Variants in SMAD9 observed in about 807,000 individuals in gnomAD.
SMAD9 encodes SMAD family member 9.
A neutral mutation model predicts 46.1 loss-of-function variants in SMAD9; 36 were observed. The ratio of observed to expected loss-of-function variants is 0.78; its 90% CI spans 0.60 to 1.03. SMAD9 has a LOEUF of 1.03. Among genes scored for constraint, SMAD9 ranks in the 50% least tolerant of loss-of-function variants. The pLI, the probability that SMAD9 is intolerant of heterozygous loss-of-function variation, is 0.00. For synonymous variants in SMAD9, 245 were observed against 237.1 expected (o/e 1.03, Z -0.31); for missense variants, 572 against 599.8 (o/e 0.95, Z 0.48).
intron 5 of SMAD9, among the ~76,000 whole-genome samples, chr13:36,857,987 T>C (rs1422987744): frequency 2.0e-5 from 3 of 152,192 alleles, no homozygotes; most frequent in Admixed American, 6.5e-5. Flanking sequence ...ATTTCTTATA[T>C]AGTTAGATAT....
At chr13:36,915,633 C>T (rs2058693123) in intron 1 of SMAD9, among the ~76,000 whole-genome samples, 2 of 152,108 alleles carry the variant, frequency 1.3e-5, no homozygotes, top group South Asian at 4.1e-4. Flanking sequence ...ATCAGAACTA[C>T]ATAGGTCTCC....
rs1010528384 is a variant in SMAD9 at position 36,847,444 on chromosome 13, T to C, written c.*1232A>G. The C allele has an allele frequency of 1.3e-5, 2 of 152,196 alleles. No homozygotes were observed. The highest frequency in any genetic ancestry group is 6.5e-5 in the Admixed American group (1 of 15,278). 9.4% of individuals were successfully genotyped at this position (152,196 alleles called of 1,614,324 possible). On this transcript the variant is annotated 3_prime_UTR_variant, in exon 7 of 7. Coordinates refer to ENST00000379826, the MANE Select transcript of SMAD9 (RefSeq NM_001127217.3). ...CATCTAAAGTAAAATAAGAACAGGT[T>C]TTTAATATTGTGTATATTTTTAAAA... is the stretch of plus-strand genomic sequence containing the variant.
chr13:36,855,083 T>C (rs1420642547), intron 5 of SMAD9, among the ~76,000 whole-genome samples: 3 of 151,814 alleles, frequency 2.0e-5, no homozygotes, highest in Non-Finnish European at 4.4e-5. Flanking sequence ...AGCTCAAGTC[T>C]GGCCTGGCCA....
intron 3 of SMAD9, among the ~76,000 whole-genome samples, chr13:36,871,913 T>C (rs935870978): frequency 1.3e-5 from 2 of 152,178 alleles, no homozygotes; most frequent in African/African-American, 4.8e-5. Flanking sequence ...TGAGGCAGAT[T>C]GTAACATCTG....
intron 1 of SMAD9, among the ~76,000 whole-genome samples, chr13:36,881,710 T>C (rs943162639): frequency 5.9e-5 from 9 of 152,226 alleles, no homozygotes; most frequent in East Asian, 1.9e-4. Flanking sequence ...GAAAGGTTGA[T>C]TTTGTGGCTT....
At chr13:36,906,423 C>A (rs1301325644) in intron 1 of SMAD9, among the ~76,000 whole-genome samples, 2 of 152,008 alleles carry the variant, frequency 1.3e-5, no homozygotes, top group East Asian at 3.9e-4. Flanking sequence ...TCACTAAAAA[C>A]CATATTCTAT....
chr13:36,848,847 T>C (rs367729570), intron 6 of SMAD9, 28 bp from the exon 7 acceptor site: 2 of 1,610,368 alleles, frequency 1.2e-6, no homozygotes, highest in African/African-American at 2.7e-5. Flanking sequence ...AGCTGAGTGA[T>C]GGTGCCACAC....
intron 1 of SMAD9, among the ~76,000 whole-genome samples, chr13:36,883,385 G>A (rs902529342): frequency 7.2e-5 from 11 of 152,172 alleles, no homozygotes; most frequent in African/African-American, 1.7e-4. Context: ...CTGAGGGGGC[G>A]GAAAGTCTGG....
At chr13:36,909,072 G>C (rs577506926) in intron 1 of SMAD9, among the ~76,000 whole-genome samples, 24 of 152,232 alleles carry the variant, frequency 1.6e-4, no homozygotes, top group Admixed American at 1.2e-3. Context: ...AGTTTTTTTG[G>C]CTAGAATGTT....
At chr13:36,874,033 C>T (rs920468956) in intron 2 of SMAD9, among the ~76,000 whole-genome samples, 7 of 152,222 alleles carry the variant, frequency 4.6e-5, no homozygotes, top group African/African-American at 9.6e-5. Flanking sequence ...CAGGCCCTCA[C>T]GTCCTACCGA....
intron 2 of SMAD9, among the ~76,000 whole-genome samples, chr13:36,876,429 C>T (rs1039279223): frequency 7.9e-5 from 12 of 152,122 alleles, no homozygotes; most frequent in African/African-American, 2.7e-4. Flanking sequence ...GGACTGGGGA[C>T]CCTTCACCAA....
chr13:36,916,027 G>T (rs1593635235), intron 1 of SMAD9, among the ~76,000 whole-genome samples: 1 of 152,170 alleles, frequency 6.6e-6, no homozygotes, highest in Admixed American at 6.5e-5. Flanking sequence ...TTCGATAATA[G>T]AATGACCAAG....
intron 5 of SMAD9, among the ~76,000 whole-genome samples, chr13:36,855,293 T>C (rs1403543560): frequency 6.8e-6 from 1 of 147,822 alleles, no homozygotes; most frequent in Non-Finnish European, 1.5e-5. Context: ...ATCCTGAGAA[T>C]GTTGCTGCTC....
chr13:36,917,280 A>C (rs2058705631), intron 1 of SMAD9, among the ~76,000 whole-genome samples: 1 of 152,242 alleles, frequency 6.6e-6, no homozygotes. Context: ...TTTATTACCA[A>C]GGGATAATTG....
intron 1 of SMAD9, among the ~76,000 whole-genome samples, chr13:36,892,790 G>C (rs971196072): frequency 5.3e-5 from 8 of 152,088 alleles, no homozygotes; most frequent in African/African-American, 1.4e-4. Context: ...ACAATAACAA[G>C]CAAGAAGTAC....
At chr13:36,885,475 A>C (rs2058437668) in intron 1 of SMAD9, among the ~76,000 whole-genome samples, 2 of 152,356 alleles carry the variant, frequency 1.3e-5, no homozygotes, top group East Asian at 3.9e-4. Flanking sequence ...AGTAGCAATC[A>C]TAAGCTGTAT....
chr13:36,905,552 A>G (rs886378529), intron 1 of SMAD9, among the ~76,000 whole-genome samples: 4 of 151,992 alleles, frequency 2.6e-5, no homozygotes, highest in Admixed American at 2.6e-4. Flanking sequence ...GCCCAGGAGT[A>G]AGAGACCAGC....
intron 1 of SMAD9, among the ~76,000 whole-genome samples, chr13:36,919,365 C>G (rs2058723216): frequency 6.6e-6 from 1 of 152,080 alleles, no homozygotes; most frequent in Non-Finnish European, 1.5e-5. Flanking sequence ...CTGCGGAGAG[C>G]TGGCACCGAG....
intron 5 of SMAD9, among the ~76,000 whole-genome samples, chr13:36,856,191 G>A (rs763500598): frequency 1.3e-5 from 2 of 152,200 alleles, no homozygotes; most frequent in Admixed American, 6.5e-5. Context: ...GACCTGCCTT[G>A]TGAGGGTGGG....
Sources: allele counts gnomAD v4.1 joint callset (sites outside exome capture counted in the v4.1 genomes callset), GRCh38; gene constraint gnomAD v4.1.1; transcripts MANE v1.5; gene names NCBI Gene and HGNC (gene_info 2026-07-23, HGNC 2026-07-21).